Variants in BCAT1 observed in about 807,000 individuals in gnomAD.
BCAT1 encodes branched-chain-amino-acid aminotransferase, cytosolic.
Under a neutral mutation model 52.4 loss-of-function variants are expected in BCAT1, and 48 were observed. That is an observed-to-expected ratio of 0.92 (90% confidence interval 0.73 to 1.16). The LOEUF (loss-of-function observed/expected upper bound fraction) is 1.16, where lower values mean the gene tolerates loss of function less well. BCAT1 is among the 50% of genes most tolerant of loss of function. The pLI, the probability that BCAT1 is intolerant of heterozygous loss-of-function variation, is 0.00. For synonymous variants in BCAT1, 167 were observed against 161.3 expected, an observed-to-expected ratio of 1.04 and a Z score of -0.27; for missense variants, 451 against 457.1, an observed-to-expected ratio of 0.99 and a Z score of 0.12.
chr12:24,826,513 A>T (rs1075061), intron 10 of BCAT1, among the ~76,000 whole-genome samples: 92,847 of 152,044 alleles, frequency 0.61, 29,030 homozygotes, highest in East Asian at 0.83. Context: ...TTTTTATATC[A>T]GTACTATGCT....
At chr12:24,887,061 T>TAAAAA (rs1171691492) in intron 3 of BCAT1, among the ~76,000 whole-genome samples, 521 of 7,548 alleles carry the variant, frequency 0.069, 113 homozygotes, top group South Asian at 0.14. Flanking sequence ...AGATGCTAGC[T>TAAAAA]AAAAAAAAAA....
At chr12:24,844,041 G>C (rs1274420860) in intron 6 of BCAT1, among the ~76,000 whole-genome samples, 1 of 152,100 alleles carries the variant, frequency 6.6e-6, no homozygotes, top group Non-Finnish European at 1.5e-5. Flanking sequence ...AGGAAGAAGG[G>C]AAGAAAAAGG....
chr12:24,839,815 A>C (rs1054516086), intron 7 of BCAT1, among the ~76,000 whole-genome samples: 3 of 152,024 alleles, frequency 2.0e-5, no homozygotes, highest in African/African-American at 7.3e-5. Flanking sequence ...CTGATTTTCA[A>C]CTCGTTTGTT....
At chr12:24,819,621 C>A (rs1940031134) in intron 10 of BCAT1, among the ~76,000 whole-genome samples, 1 of 152,140 alleles carries the variant, frequency 6.6e-6, no homozygotes, top group Non-Finnish European at 1.5e-5. Context: ...TTTTGACAAG[C>A]CCAGTTCTCT....
chr12:24,907,933 C>T (rs974305285), intron 1 of BCAT1, among the ~76,000 whole-genome samples: 8 of 152,154 alleles, frequency 5.3e-5, no homozygotes, highest in Admixed American at 4.6e-4. Flanking sequence ...TTCACACGAA[C>T]ACACATGACA....
chr12:24,911,425 C>T (rs532570101), intron 1 of BCAT1, among the ~76,000 whole-genome samples: 3 of 152,294 alleles, frequency 2.0e-5, no homozygotes, highest in Non-Finnish European at 4.4e-5. Context: ...CCTCCTCTCC[C>T]CTCAGGACCC....
At chr12:24,840,378 T>C (rs1941139046) in intron 7 of BCAT1, among the ~76,000 whole-genome samples, 1 of 152,168 alleles carries the variant, frequency 6.6e-6, no homozygotes, top group Non-Finnish European at 1.5e-5. Context: ...AAGGGTTGAA[T>C]CGGCCTATTA....
chr12:24,854,080 T>C (rs2129236), intron 5 of BCAT1, among the ~76,000 whole-genome samples: 145,833 of 152,328 alleles, frequency 0.96, 70,114 homozygotes, highest in East Asian at 1. Context: ...ATATGTTGCA[T>C]AGAAGGACAA....
intron 6 of BCAT1, among the ~76,000 whole-genome samples, chr12:24,843,237 A>G (rs1941226434): frequency 6.6e-6 from 1 of 152,148 alleles, no homozygotes. Flanking sequence ...ATCTACCACA[A>G]AATATCTATT....
intron 1 of BCAT1, among the ~76,000 whole-genome samples, chr12:24,945,980 G>A (rs568670944): frequency 6.6e-6 from 1 of 152,110 alleles, no homozygotes; most frequent in Admixed American, 6.5e-5. Context: ...GTTTCCCTGG[G>A]GTGGGCATCT....
intron 5 of BCAT1, among the ~76,000 whole-genome samples, 194 bp downstream of exon 5, chr12:24,878,336 A>C (rs1942403138): frequency 6.6e-6 from 1 of 152,210 alleles, no homozygotes; most frequent in South Asian, 2.1e-4. Context: ...ATATGGCCAC[A>C]AAGCCAAAAA....
intron 4 of BCAT1, 22 bp from the exon 5 acceptor site, chr12:24,878,671 T>C: frequency 6.3e-7 from 1 of 1,584,148 alleles, no homozygotes; most frequent in Non-Finnish European, 8.6e-7. Flanking sequence ...AAAAACATAA[T>C]AAATGACAGA....
rs546098007 is a variant in BCAT1, at chr12:24,927,892, C to G, written c.6+21035G>C. Among the ~76,000 whole-genome samples, 4 of 152,276 alleles carry G rather than the reference C, an allele frequency of 2.6e-5. No homozygotes were observed. The East Asian group carries it at 7.7e-4, about 29-fold the overall frequency. On this transcript the variant is annotated intron_variant, in intron 1 of 10. Coordinates refer to ENST00000261192, the MANE Select transcript of BCAT1 (RefSeq NM_005504.7). The stretch of plus-strand genomic sequence containing the variant: ...ACCCACTTTCAAAAATCTACCATCC[C>G]TATCTGGAGAAGATCACACTGATCC...
At chr12:24,856,353 A>G (rs1017911454) in intron 5 of BCAT1, among the ~76,000 whole-genome samples, 1 of 152,054 alleles carries the variant, frequency 6.6e-6, no homozygotes, top group Non-Finnish European at 1.5e-5. Flanking sequence ...TCTGCCTGGA[A>G]CACTCTCCTT....
At position 24,811,505 on chromosome 12, in the gene BCAT1, C is replaced by T. The variant is rs1939679045; in HGVS notation, c.*6503G>A. The T allele has an allele frequency of 1.3e-5, 2 of 152,152 alleles. No homozygotes were observed. The highest frequency in any genetic ancestry group is 2.9e-5 in the Non-Finnish European group (2 of 68,010). The allele number at this position is 152,152 out of a possible 1,614,324, so 9.4% of individuals were successfully genotyped here. A position where few individuals can be genotyped will look rare whatever the true frequency, so the allele number is the denominator to read the frequency against. On this transcript the variant is annotated 3_prime_UTR_variant, in exon 11 of 11. Coordinates refer to ENST00000261192, the MANE Select transcript of BCAT1 (RefSeq NM_005504.7). The stretch of plus-strand genomic sequence containing the variant: ...CTCAACATACAAATATAGAGTTCTT[C>T]ACACCAGATGGCTCTGGTGTAACAA...
intron 5 of BCAT1, among the ~76,000 whole-genome samples, chr12:24,866,376 C>A (rs1396003677): frequency 7.1e-6 from 1 of 140,348 alleles, no homozygotes; most frequent in Non-Finnish European, 1.6e-5. Context: ...GAGCCTCCCG[C>A]CCCCCGCCAC....
chr12:24,944,370 A>G (rs1336616060), intron 1 of BCAT1, among the ~76,000 whole-genome samples: 1 of 152,246 alleles, frequency 6.6e-6, no homozygotes, highest in African/African-American at 2.4e-5. Flanking sequence ...GTGGAATGCT[A>G]ACAACTGCCC....
At chr12:24,926,109 G>A (rs571242255) in intron 1 of BCAT1, among the ~76,000 whole-genome samples, 16 of 151,716 alleles carry the variant, frequency 1.1e-4, no homozygotes, top group South Asian at 4.2e-4. Context: ...AGTGAGGAGC[G>A]CCTCTTCCCG....
intron 8 of BCAT1, among the ~76,000 whole-genome samples, chr12:24,833,658 G>A (rs1940786586): frequency 6.6e-6 from 1 of 151,976 alleles, no homozygotes; most frequent in Admixed American, 6.6e-5. Flanking sequence ...TAATTTTAAG[G>A]GTGAGTACTA....
Sources: gnomAD v4.1 joint callset for allele counts (sites outside exome capture counted in the v4.1 genomes callset) on GRCh38, gnomAD v4.1.1 for gene constraint, MANE v1.5 for transcripts, NCBI Gene and HGNC (gene_info 2026-07-23, HGNC 2026-07-21) for gene names.